PDS5B: variants seen among roughly 807,000 people sequenced by gnomAD.
The protein encoded by PDS5B is sister chromatid cohesion protein PDS5 homolog B.
A neutral mutation model predicts 184.1 loss-of-function variants in PDS5B; 51 were observed. The ratio of observed to expected loss-of-function variants is 0.28; its 90% CI spans 0.22 to 0.35. The LOEUF is 0.35. PDS5B is among the 10% of genes least tolerant of loss of function. PDS5B has a pLI of 1.00. For synonymous variants in PDS5B, 566 were observed against 569.2 expected, an observed-to-expected ratio of 0.99 and a Z score of 0.08; for missense variants, 1,180 against 1,723.3, an observed-to-expected ratio of 0.68 and a Z score of 5.58.
At chr13:32,765,943 A>G (rs888621260) in intron 31 of PDS5B, among the ~76,000 whole-genome samples, 3 of 152,250 alleles carry the variant, frequency 2.0e-5, no homozygotes, top group African/African-American at 7.2e-5. Context: ...CTAACTATGT[A>G]TACTGTAAGT....
intron 1 of PDS5B, among the ~76,000 whole-genome samples, chr13:32,638,195 A>G (rs983779829): frequency 6.6e-6 from 1 of 152,200 alleles, no homozygotes; most frequent in South Asian, 2.1e-4. Flanking sequence ...AGGTAAGCTA[A>G]CCCAGAGCAC....
At position 32,684,667 on chromosome 13, in the gene PDS5B, C is replaced by T. The variant is rs1456292955; in HGVS notation, c.1203+644C>T. ...TAATGAATGTTCATTCTGTTCCCCT[C>T]CTGATTGCCATAATGGCATCTAAGC... On this transcript the variant is annotated intron_variant, in intron 11 of 34. Coordinates refer to ENST00000315596, the MANE Select transcript of PDS5B (RefSeq NM_015032.4). 2.0e-5 allele frequency among the ~76,000 whole-genome samples: 3 copies of T among 152,198 alleles called. No individual in the cohort carries two copies. In the East Asian group the frequency reaches 5.8e-4, roughly 29 times the overall value.
At chr13:32,658,992 T>C (rs549762449) in intron 5 of PDS5B, among the ~76,000 whole-genome samples, 162 bp from the exon 6 acceptor site, 15 of 152,294 alleles carry the variant, frequency 9.8e-5, no homozygotes, top group African/African-American at 3.1e-4. Flanking sequence ...TGTATACTTT[T>C]GTATGATGTG....
At chr13:32,603,759 T>C (rs1021151823) in intron 1 of PDS5B, among the ~76,000 whole-genome samples, 3 of 152,220 alleles carry the variant, frequency 2.0e-5, no homozygotes, top group Non-Finnish European at 4.4e-5. Flanking sequence ...TTTTATTTCG[T>C]TGAGCAGTGG....
rs1954991941 is a variant in PDS5B, at chr13:32,777,552, T to C, written c.*2500T>C. On this transcript the variant is annotated 3_prime_UTR_variant, in exon 35 of 35. Transcript: ENST00000315596. ...AATTGTTAGCAAACTATTTCAGTGATAATGTTCATTTTGAAAATATGTACT... is the reference window on the plus strand; with the variant it reads ...AATTGTTAGCAAACTATTTCAGTGACAATGTTCATTTTGAAAATATGTACT... 6.6e-6 allele frequency: 1 copy of C among 152,364 alleles called. No homozygotes were observed. Among genetic ancestry groups the C allele is most frequent in the Non-Finnish European group, 1.5e-5 (1 of 67,816 alleles). 9.4% of individuals were successfully genotyped at this position (152,364 alleles called of 1,614,324 possible).
At chr13:32,644,303 C>A (rs1456206078) in intron 1 of PDS5B, among the ~76,000 whole-genome samples, 1 of 152,134 alleles carries the variant, frequency 6.6e-6, no homozygotes, top group Non-Finnish European at 1.5e-5. Flanking sequence ...GATAGAAATG[C>A]ACTTTTGGCT....
In PDS5B at chr13:32,678,934, T is replaced by C; in HGVS notation, c.1057+5T>C. ...ATTTAGCAAAAGACTTAACAGGTAC[T>C]ATATATATGTAACAGCAAATATTCT... On this transcript the variant is annotated splice_donor_5th_base_variant and intron_variant, in intron 10 of 34. Coordinates refer to ENST00000315596, the MANE Select transcript of PDS5B (RefSeq NM_015032.4). 3.5e-6 allele frequency: 5 copies of C among 1,439,298 alleles called. No individual in the cohort carries two copies. The highest frequency in any genetic ancestry group is 4.9e-6 in the Non-Finnish European group (5 of 1,021,188). The allele number at this position is 1,439,298 out of a possible 1,614,324, so 89.2% of individuals were successfully genotyped here.
intron 1 of PDS5B, among the ~76,000 whole-genome samples, chr13:32,630,267 T>C (rs2058434605): frequency 6.6e-6 from 1 of 152,204 alleles, no homozygotes; most frequent in Admixed American, 6.5e-5. Context: ...ATGGGTTTCC[T>C]ATGTGGAATC....
At chr13:32,587,533 C>T (rs2057707662) in intron 1 of PDS5B, among the ~76,000 whole-genome samples, 1 of 152,196 alleles carries the variant, frequency 6.6e-6, no homozygotes, top group African/African-American at 2.4e-5. Flanking sequence ...TTGGTAGAGA[C>T]GTGAAAGCTA....
chr13:32,747,514 G>A (rs1249280744), intron 24 of PDS5B, among the ~76,000 whole-genome samples: 4 of 151,128 alleles, frequency 2.6e-5, no homozygotes, highest in African/African-American at 9.7e-5. Flanking sequence ...TTGAACTCAG[G>A]AGGCAGAGGT....
At chr13:32,699,317 G>A (rs746206890) in intron 15 of PDS5B, among the ~76,000 whole-genome samples, 26 of 152,154 alleles carry the variant, frequency 1.7e-4, no homozygotes, top group Non-Finnish European at 2.9e-4. Flanking sequence ...TTGGTTTAAT[G>A]ATAAACAGGG....
At chr13:32,638,624 C>G (rs2058604003) in intron 1 of PDS5B, among the ~76,000 whole-genome samples, 1 of 147,350 alleles carries the variant, frequency 6.8e-6, no homozygotes, top group Admixed American at 6.9e-5. Context: ...TGCCTTCCAT[C>G]CATCCAATAA....
intron 18 of PDS5B, among the ~76,000 whole-genome samples, chr13:32,708,127 T>C (rs1398861136): frequency 6.6e-6 from 1 of 152,152 alleles, no homozygotes; most frequent in African/African-American, 2.4e-5. Context: ...GTATAAATAT[T>C]ACTGTAAAAC....
chr13:32,671,218 A>G lies in PDS5B; in HGVS notation c.706-1998A>G, dbSNP rs558652808. On this transcript the variant is annotated intron_variant, in intron 7 of 34. Coordinates refer to ENST00000315596, the MANE Select transcript of PDS5B (RefSeq NM_015032.4). ...GGTAGGCTTTTACACATTGGAGAAG[A>G]CCAACTTGGTCATTGCCTTTTTGGA... is the stretch of plus-strand genomic sequence containing the variant. Among the ~76,000 whole-genome samples, 40 of 150,992 alleles carry G rather than the reference A, an allele frequency of 2.6e-4. 1 individual carries two copies. Among genetic ancestry groups the G allele is most frequent in the African/African-American group, 9.4e-4 (38 of 40,310 alleles).
chr13:32,698,840 G>A (rs1224922868), intron 15 of PDS5B, among the ~76,000 whole-genome samples: 1 of 150,954 alleles, frequency 6.6e-6, no homozygotes, highest in African/African-American at 2.4e-5. Context: ...TGCAACCTCC[G>A]CCTCCCGGGT....
chr13:32,682,904 C>A (rs1179055202), intron 10 of PDS5B, among the ~76,000 whole-genome samples: 1 of 152,162 alleles, frequency 6.6e-6, no homozygotes, highest in African/African-American at 2.4e-5. Flanking sequence ...CATCCTTTTC[C>A]TTTGTCCTGT....
At chr13:32,747,093 T>C (rs956230377) in intron 24 of PDS5B, among the ~76,000 whole-genome samples, 4 of 152,226 alleles carry the variant, frequency 2.6e-5, no homozygotes, top group Non-Finnish European at 4.4e-5. Flanking sequence ...AACTTTCAGA[T>C]TCCTATTACA....
At chr13:32,698,863 C>G (rs963136054) in intron 15 of PDS5B, among the ~76,000 whole-genome samples, 3 of 151,994 alleles carry the variant, frequency 2.0e-5, no homozygotes, top group Admixed American at 2.0e-4. Context: ...AAGCAGTTCT[C>G]TGCCTCAGCC....
chr13:32,647,947 CTTATG>C (rs962298020), intron 1 of PDS5B, among the ~76,000 whole-genome samples: 21 of 152,240 alleles, frequency 1.4e-4, no homozygotes, highest in African/African-American at 4.6e-4. Flanking sequence ...CTTGGATTTA[CTTATG>C]TTAGGTGCTT....
Sources: allele counts gnomAD v4.1 joint callset (sites outside exome capture counted in the v4.1 genomes callset), GRCh38; gene constraint gnomAD v4.1.1; transcripts MANE v1.5; gene names NCBI Gene and HGNC (gene_info 2026-07-23, HGNC 2026-07-21).